Variants in ZNF536 observed in about 807,000 individuals in gnomAD.
ZNF536 encodes zinc finger protein 536.
In ZNF536, 13 loss-of-function variants were observed where a neutral mutation model predicts 84.5. The observed-to-expected ratio is 0.15, with a 90% CI of 0.10 to 0.24. The LOEUF is 0.24. Ranked by LOEUF, ZNF536 falls within the 10% of genes least tolerant of loss-of-function variation. ZNF536 has a pLI of 1.00. For synonymous variants in ZNF536, 811 were observed against 742.5 expected, an observed-to-expected ratio of 1.09 and a Z score of -1.50; for missense variants, 1,536 against 1,747.5, an observed-to-expected ratio of 0.88 and a Z score of 2.16.
chr19:30,399,322 G>A (rs1345484532), intron 1 of ZNF536, among the ~76,000 whole-genome samples: 1 of 151,716 alleles, frequency 6.6e-6, no homozygotes, highest in Admixed American at 6.6e-5. Flanking sequence ...TTAGCCCTTT[G>A]TCAGATGGAT....
chr19:30,442,724 C>T (rs556578746), intron 1 of ZNF536, among the ~76,000 whole-genome samples: 11 of 152,248 alleles, frequency 7.2e-5, no homozygotes, highest in African/African-American at 1.4e-4. Context: ...AACAGTGTTT[C>T]GTAACATAAG....
At position 30,271,379 on chromosome 19, in the gene ZNF536, T is replaced by C. The variant is rs895718441; in HGVS notation, c.-189-12693T>C. Among the ~76,000 whole-genome samples the C allele has an allele frequency of 1.1e-4, 17 of 151,554 alleles. No homozygotes were observed. The East Asian group carries it at 3.1e-3, about 28-fold the overall frequency. On this transcript the variant is annotated intron_variant, in intron 1 of 5. Coordinates refer to the ZNF536 transcript ENST00000585628. ...TTTTGGCAGTTACTATTTCTTCTTG[T>C]TGCTATATAATCACAGGAAAACAGT...
At chr19:30,410,204 T>G (rs960221491) in intron 1 of ZNF536, among the ~76,000 whole-genome samples, 1 of 152,106 alleles carries the variant, frequency 6.6e-6, no homozygotes, top group African/African-American at 2.4e-5. Flanking sequence ...AAATTCACCT[T>G]AAGTATTTAT....
At chr19:30,707,841 C>T (rs2052303939) in intron 1 of ZNF536, among the ~76,000 whole-genome samples, 2 of 151,812 alleles carry the variant, frequency 1.3e-5, no homozygotes, top group Non-Finnish European at 2.9e-5. Context: ...GAAACCCCAT[C>T]TCTACTAAAA....
At chr19:30,696,301 A>C (rs889606206) in intron 1 of ZNF536, among the ~76,000 whole-genome samples, 1 of 151,780 alleles carries the variant, frequency 6.6e-6, no homozygotes, top group African/African-American at 2.4e-5. Context: ...CGGCTCCCCC[A>C]CTCCAGCACT....
At chr19:30,296,650 C>G (rs540919280) in intron 2 of ZNF536, among the ~76,000 whole-genome samples, 2 of 152,196 alleles carry the variant, frequency 1.3e-5, no homozygotes, top group Non-Finnish European at 2.9e-5. Context: ...TCTCTACCCC[C>G]AGGGAGCCTA....
intron 1 of ZNF536, among the ~76,000 whole-genome samples, chr19:30,683,458 A>G (rs529123171): frequency 1.3e-5 from 2 of 151,948 alleles, no homozygotes; most frequent in Non-Finnish European, 2.9e-5. Flanking sequence ...ATGATTGCGG[A>G]TATGTTCTGT....
At chr19:30,546,798 T>A (rs2045575696) in intron 3 of ZNF536, among the ~76,000 whole-genome samples, 1 of 152,216 alleles carries the variant, frequency 6.6e-6, no homozygotes, top group Non-Finnish European at 1.5e-5. Flanking sequence ...ACAGTCCCCA[T>A]TCCTTCCAGA....
intron 1 of ZNF536, among the ~76,000 whole-genome samples, chr19:30,264,966 T>TGTGTGTGTGTGTGTGGGAGAGAGAGA (rs59889852): frequency 7.5e-6 from 1 of 133,776 alleles, no homozygotes; most frequent in African/African-American, 3.0e-5. Context: ...TGTGTGTGTG[T>TGTGTGTGTGTGTGTGGGAGAGAGAGA]GAGAGAGAGA....
intron 3 of ZNF536, among the ~76,000 whole-genome samples, chr19:30,545,502 A>G (rs2045514376): frequency 7.2e-6 from 1 of 139,086 alleles, no homozygotes; most frequent in Non-Finnish European, 1.5e-5. Flanking sequence ...GGTTTACGCC[A>G]TTCTCCTGCC....
At chr19:30,493,342 C>T (rs1302903910) in intron 2 of ZNF536, among the ~76,000 whole-genome samples, 1 of 152,114 alleles carries the variant, frequency 6.6e-6, no homozygotes, top group Non-Finnish European at 1.5e-5. Context: ...TAGAAACAGG[C>T]ATGCCCATGC....
chr19:30,700,504 C>G (rs1281513299), intron 1 of ZNF536, among the ~76,000 whole-genome samples: 1 of 152,084 alleles, frequency 6.6e-6, no homozygotes, highest in Non-Finnish European at 1.5e-5. Flanking sequence ...CCTCCTGCCT[C>G]AGGCTCCCAA....
intron 1 of ZNF536, among the ~76,000 whole-genome samples, chr19:30,586,829 A>T (rs997460650): frequency 2.0e-5 from 3 of 152,188 alleles, no homozygotes; most frequent in Non-Finnish European, 4.4e-5. Context: ...AAAAACTAAA[A>T]CTTGTCAACT....
chr19:30,705,309 A>ATGTGTG (rs56199909), intron 1 of ZNF536, among the ~76,000 whole-genome samples: 23,584 of 149,072 alleles, frequency 0.16, 1,908 homozygotes, highest in Non-Finnish European at 0.19. Context: ...ACTCAGAAAG[A>ATGTGTG]TGTGTGTGTG....
intron 1 of ZNF536, among the ~76,000 whole-genome samples, chr19:30,681,959 T>A (rs1291872554): frequency 6.6e-6 from 1 of 152,150 alleles, no homozygotes; most frequent in Non-Finnish European, 1.5e-5. Context: ...CTCCACTGTG[T>A]CTTCCGTAAG....
chr19:30,477,257 C>T (rs185362470), intron 2 of ZNF536, among the ~76,000 whole-genome samples: 140 of 152,304 alleles, frequency 9.2e-4, no homozygotes, highest in Admixed American at 1.7e-3. Context: ...GACACGTTCT[C>T]CATCTCCCCA....
At chr19:30,678,825 A>G (rs1255889264) in intron 1 of ZNF536, among the ~76,000 whole-genome samples, 1 of 151,412 alleles carries the variant, frequency 6.6e-6, no homozygotes, top group Non-Finnish European at 1.5e-5. Flanking sequence ...CATTCAAAAT[A>G]AAGAGATTAA....
rs377531536 is a variant in ZNF536 at position 30,269,580 on chromosome 19, A to G, written c.-189-14492A>G. The stretch of plus-strand genomic sequence containing the variant: ...AGGCAGTAAGTCAGGTGGATTATCT[A>G]TAGGAATAATTTGAGGGTACTTGAG... On this transcript the variant is annotated intron_variant, in intron 1 of 5. Transcript: ENST00000585628. 2.9e-4 allele frequency among the ~76,000 whole-genome samples: 44 copies of G among 152,292 alleles called. No individual in the cohort carries two copies. The South Asian group carries it at 7.3e-3, about 25-fold the overall frequency.
intron 1 of ZNF536, among the ~76,000 whole-genome samples, chr19:30,614,970 G>A (rs184318642): frequency 0.072 from 949 of 13,262 alleles, 22 homozygotes; most frequent in African/African-American, 0.18. Context: ...TTTTTGAGGC[G>A]GAGTTTCGCT....
Sources: gnomAD v4.1 joint callset for allele counts (sites outside exome capture counted in the v4.1 genomes callset) on GRCh38, gnomAD v4.1.1 for gene constraint, MANE v1.5 for transcripts, NCBI Gene and HGNC (gene_info 2026-07-23, HGNC 2026-07-21) for gene names.